Variants in NEK1 observed in about 807,000 individuals in gnomAD.
NEK1 encodes the protein serine/threonine-protein kinase Nek1.
Under a neutral mutation model 182.1 loss-of-function variants are expected in NEK1, and 137 were observed. The ratio of observed to expected loss-of-function variants is 0.75; its 90% confidence interval spans 0.65 to 0.87. NEK1 has a LOEUF of 0.87. Ranked by LOEUF, NEK1 falls within the 40% of genes least tolerant of loss-of-function variation. The pLI is 0.00. For synonymous variants in NEK1, 513 were observed against 492.2 expected (o/e 1.04, Z -0.56); for missense variants, 1,391 against 1,494.4 (o/e 0.93, Z 1.14).
intron 23 of NEK1, among the ~76,000 whole-genome samples, chr4:169,502,362 A>T (rs1752556057): frequency 6.6e-6 from 1 of 152,058 alleles, no homozygotes; most frequent in Non-Finnish European, 1.5e-5. Flanking sequence ...AGATGGAGAG[A>T]TTCCTCCCTA....
chr4:169,451,856 GA>G (rs1741852633), intron 27 of NEK1, among the ~76,000 whole-genome samples: 1 of 152,022 alleles, frequency 6.6e-6, no homozygotes, highest in Non-Finnish European at 1.5e-5. Context: ...ATGGTTTTTT[GA>G]AAAGATCAAC....
chr4:169,608,118 C>CACACAA (rs889343585), intron 2 of NEK1, among the ~76,000 whole-genome samples: 6 of 149,670 alleles, frequency 4.0e-5, no homozygotes, highest in African/African-American at 1.5e-4. Context: ...CACACACATA[C>CACACAA]ACACACACAC....
intron 18 of NEK1, among the ~76,000 whole-genome samples, chr4:169,539,037 T>C (rs963748233): frequency 6.6e-6 from 1 of 152,174 alleles, no homozygotes; most frequent in African/African-American, 2.4e-5. Context: ...AAAAAGATTC[T>C]TACGAAATTT....
chr4:169,510,560 C>T (rs112404988), intron 19 of NEK1, among the ~76,000 whole-genome samples: 2 of 152,216 alleles, frequency 1.3e-5, no homozygotes, highest in Non-Finnish European at 2.9e-5. Context: ...TTTCCCAACT[C>T]ATCCTACCTC....
intron 19 of NEK1, among the ~76,000 whole-genome samples, chr4:169,535,128 T>C (rs1327681802): frequency 6.6e-6 from 1 of 152,054 alleles, no homozygotes; most frequent in African/African-American, 2.4e-5. Flanking sequence ...GAGATCAGCC[T>C]GGCCAACATG....
chr4:169,492,905 C>T (rs1169960281), intron 23 of NEK1, among the ~76,000 whole-genome samples: 4 of 152,146 alleles, frequency 2.6e-5, no homozygotes, highest in Non-Finnish European at 5.9e-5. Flanking sequence ...AAGGGGGCAG[C>T]GCCAATGCCT....
intron 27 of NEK1, among the ~76,000 whole-genome samples, chr4:169,455,550 AT>A (rs1162022214): frequency 1.3e-5 from 2 of 152,208 alleles, no homozygotes; most frequent in African/African-American, 4.8e-5. Context: ...AAAATGGTCA[AT>A]TCAGCAAGAG....
intron 23 of NEK1, among the ~76,000 whole-genome samples, chr4:169,492,377 A>C (rs1460877534): frequency 6.6e-6 from 1 of 152,180 alleles, no homozygotes; most frequent in African/African-American, 2.4e-5. Flanking sequence ...GGAGAGAAAG[A>C]AAGCAGCAAA....
chr4:169,486,862 G>C (rs1236655889), intron 23 of NEK1, among the ~76,000 whole-genome samples: 1 of 152,144 alleles, frequency 6.6e-6, no homozygotes, highest in Non-Finnish European at 1.5e-5. Flanking sequence ...AACCAAGACA[G>C]AATCTCCCTA....
chr4:169,563,019 T>G (rs1291551434), intron 12 of NEK1, among the ~76,000 whole-genome samples: 1 of 152,162 alleles, frequency 6.6e-6, no homozygotes, highest in African/African-American at 2.4e-5. Flanking sequence ...TTTGATTCCT[T>G]TCTTTCACAA....
intron 32 of NEK1, among the ~76,000 whole-genome samples, chr4:169,402,298 T>C (rs913085572): frequency 6.6e-6 from 1 of 152,250 alleles, no homozygotes; most frequent in African/African-American, 2.4e-5. Context: ...ATGTGGCTAA[T>C]AGCTAGACAC....
intron 12 of NEK1, among the ~76,000 whole-genome samples, chr4:169,573,217 G>C (rs1765149474): frequency 6.6e-6 from 1 of 152,164 alleles, no homozygotes; most frequent in African/African-American, 2.4e-5. Context: ...TTGCCAACAG[G>C]TAAGACTGAC....
intron 16 of NEK1, among the ~76,000 whole-genome samples, chr4:169,559,520 C>T (rs1762597210): frequency 1.3e-5 from 2 of 151,982 alleles, no homozygotes; most frequent in South Asian, 4.1e-4. Flanking sequence ...AACTTCTGCA[C>T]CTCAAGAGAC....
intron 30 of NEK1, 131 bp from the exon 31 acceptor site, chr4:169,424,931 A>G (rs1736113947): frequency 1.2e-6 from 1 of 846,170 alleles, no homozygotes; most frequent in African/African-American, 1.7e-5. Flanking sequence ...AAATCAAAAT[A>G]TGTGTGTCAG....
chr4:169,471,578 T>C (rs1026215461), intron 26 of NEK1, among the ~76,000 whole-genome samples: 1 of 152,068 alleles, frequency 6.6e-6, no homozygotes, highest in Non-Finnish European at 1.5e-5. Context: ...CTGGGAGGTG[T>C]CTCCCAGTCA....
chr4:169,584,397 A>G (rs1767183793), intron 10 of NEK1, among the ~76,000 whole-genome samples: 1 of 152,128 alleles, frequency 6.6e-6, no homozygotes, highest in African/African-American at 2.4e-5. Context: ...AGATCACTTG[A>G]GCTCAGGAGT....
intron 4 of NEK1, 43 bp from the exon 5 acceptor site, chr4:169,599,240 T>A: frequency 7.2e-7 from 1 of 1,394,910 alleles, no homozygotes; most frequent in Non-Finnish European, 1.0e-6. Flanking sequence ...AAAACGTACA[T>A]CAAAAGCATG....
chr4:169,409,932 T>G (rs1319133998), intron 31 of NEK1, among the ~76,000 whole-genome samples: 1 of 152,236 alleles, frequency 6.6e-6, no homozygotes, highest in African/African-American at 2.4e-5. Context: ...TAATGCCCTT[T>G]GCTCACTTTT....
At chr4:169,449,951 T>C (rs951109940) in intron 27 of NEK1, among the ~76,000 whole-genome samples, 5 of 152,206 alleles carry the variant, frequency 3.3e-5, no homozygotes, top group Non-Finnish European at 7.3e-5. Flanking sequence ...GAAGAATGGC[T>C]AACTATAATA....
Sources: gnomAD v4.1 joint callset for allele counts (sites outside exome capture counted in the v4.1 genomes callset) on GRCh38, gnomAD v4.1.1 for gene constraint, MANE v1.5 for transcripts, NCBI Gene and HGNC (gene_info 2026-07-23, HGNC 2026-07-21) for gene names.